The following GAS2 variants were observed in gnomAD, a reference collection of about 807,000 sequenced individuals.
GAS2 encodes growth arrest-specific protein 2.
GAS2 carries 20 observed loss-of-function variants against 37.5 expected under a neutral mutation model. That is an observed-to-expected ratio of 0.53 (90% CI 0.37 to 0.77). GAS2 has a LOEUF of 0.77. Ranked by LOEUF, GAS2 falls within the 30% of genes least tolerant of loss-of-function variation. The pLI, the probability that GAS2 is intolerant of heterozygous loss-of-function variation, is 0.00. For synonymous variants in GAS2, 144 were observed against 132.2 expected, an observed-to-expected ratio of 1.09 and a Z score of -0.61; for missense variants, 336 against 373.4, an observed-to-expected ratio of 0.90 and a Z score of 0.82.
At chr11:22,663,431 A>G (rs1233908655), upstream of GAS2, among the ~76,000 whole-genome samples, 1 of 152,136 alleles carries the variant, frequency 6.6e-6, no homozygotes, top group African/African-American at 2.4e-5. Context: ...AAAATAAAAA[A>G]TAAATGAATA....
At chr11:22,700,961 A>G (rs749072115) in intron 3 of GAS2, among the ~76,000 whole-genome samples, 26 of 152,246 alleles carry the variant, frequency 1.7e-4, no homozygotes, top group Admixed American at 5.2e-4. Context: ...CTTTTTCCCA[A>G]TAACTGCCTC....
chr11:22,681,023 C>T (rs1368224292), intron 2 of GAS2, among the ~76,000 whole-genome samples: 1 of 152,100 alleles, frequency 6.6e-6, no homozygotes, highest in Non-Finnish European at 1.5e-5. Context: ...ATGTAAAATG[C>T]TTAGAACAGT....
intron 7 of GAS2, among the ~76,000 whole-genome samples, chr11:22,761,224 C>A (rs958277126): frequency 1.3e-5 from 2 of 152,086 alleles, no homozygotes; most frequent in African/African-American, 4.8e-5. Flanking sequence ...CTAATCATTA[C>A]AATTTTAACC....
intron 3 of GAS2, among the ~76,000 whole-genome samples, chr11:22,714,017 T>TATTCAGA (rs1376155523): frequency 6.6e-6 from 1 of 152,124 alleles, no homozygotes. Flanking sequence ...AATAGAACAC[T>TATTCAGA]ACTATGTCAC....
chr11:22,665,627 A>C (rs1161529990), upstream of GAS2, among the ~76,000 whole-genome samples: 1 of 152,206 alleles, frequency 6.6e-6, no homozygotes, highest in Admixed American at 6.5e-5. Context: ...ATTGAACTAA[A>C]ATAAAAAGTT....
At chr11:22,735,701 T>A (rs1264294846) in intron 4 of GAS2, among the ~76,000 whole-genome samples, 1 of 151,916 alleles carries the variant, frequency 6.6e-6, no homozygotes, top group Non-Finnish European at 1.5e-5. Context: ...AAATTAGTAC[T>A]CAGAATATGT....
chr11:22,764,281 C>T (rs1202318116), intron 7 of GAS2, among the ~76,000 whole-genome samples: 3 of 152,088 alleles, frequency 2.0e-5, no homozygotes, highest in Non-Finnish European at 4.4e-5. Context: ...AGAAAGACGG[C>T]CGGGCACGGC....
chr11:22,663,788 C>T (rs1406659225), upstream of GAS2, among the ~76,000 whole-genome samples: 3 of 152,004 alleles, frequency 2.0e-5, no homozygotes, highest in East Asian at 3.9e-4. Context: ...TGTTTTTATT[C>T]GTAACACTAT....
At position 22,749,109 on chromosome 11, in the gene GAS2, T is replaced by A. The variant is rs1417468539; in HGVS notation, c.474-11T>A. ...GTTATGCATATGTAATGATCCAGGG[T>A]CTTTTTAAAGGTATGGTGTGGAGCC... is the stretch of plus-strand genomic sequence containing the variant. On this transcript the variant is annotated splice_polypyrimidine_tract_variant and intron_variant, in intron 5 of 7. Transcript: ENST00000454584. 3 of 1,604,462 alleles carry A rather than the reference T, an allele frequency of 1.9e-6. No individual in the cohort carries two copies.
At chr11:22,632,868 C>T (rs1446076597) in intron 1 of GAS2, among the ~76,000 whole-genome samples, 7 of 151,496 alleles carry the variant, frequency 4.6e-5, no homozygotes, top group African/African-American at 7.3e-5. Context: ...CCCTGCATTT[C>T]GTAATTCCCT....
chr11:22,672,064 CTATGACAGTGACTT>C (rs540118709), intron 1 of GAS2, among the ~76,000 whole-genome samples: 69 of 152,224 alleles, frequency 4.5e-4, no homozygotes, highest in African/African-American at 1.6e-3. Flanking sequence ...GAGTCCTTAT[CTATGACAGTGACTT>C]TAGGTTTCTA....
At chr11:22,777,453 G>A (rs557009342) in intron 7 of GAS2, among the ~76,000 whole-genome samples, 2 of 152,254 alleles carry the variant, frequency 1.3e-5, no homozygotes, top group South Asian at 4.1e-4. Context: ...ATTTTGCTGA[G>A]TACTTATAAT....
chr11:22,718,827 G>A (rs1851811399), intron 3 of GAS2, among the ~76,000 whole-genome samples: 2 of 152,076 alleles, frequency 1.3e-5, no homozygotes, highest in East Asian at 3.9e-4. Flanking sequence ...CTGTTCATAT[G>A]CAAACGATTA....
At chr11:22,709,961 A>G (rs1475863592) in intron 3 of GAS2, among the ~76,000 whole-genome samples, 1 of 145,320 alleles carries the variant, frequency 6.9e-6, no homozygotes, top group African/African-American at 2.5e-5. Context: ...GAATTGAACA[A>G]TGAGAACACA....
chr11:22,811,724 C>T (rs1267398572), intron 7 of GAS2, 74 bp from the exon 8 acceptor site: 1 of 1,397,078 alleles, frequency 7.2e-7, no homozygotes. Context: ...ACTAATTTCA[C>T]TAGAACCAGG....
chr11:22,766,539 G>T (rs1405875033), intron 7 of GAS2, among the ~76,000 whole-genome samples: 1 of 152,006 alleles, frequency 6.6e-6, no homozygotes, highest in Non-Finnish European at 1.5e-5. Flanking sequence ...CTCCTAGTTT[G>T]CTTATTCCTT....
intron 3 of GAS2, among the ~76,000 whole-genome samples, chr11:22,719,794 G>T (rs1851860424): frequency 6.6e-6 from 1 of 151,982 alleles, no homozygotes; most frequent in Non-Finnish European, 1.5e-5. Flanking sequence ...TGACTTGATA[G>T]CTCTTTATTT....
chr11:22,637,287 A>T (rs1188406560), intron 1 of GAS2, among the ~76,000 whole-genome samples: 117 of 96,238 alleles, frequency 1.2e-3, no homozygotes, highest in Non-Finnish European at 1.8e-3. Context: ...TAGTATACTA[A>T]TATAATATTA....
At chr11:22,662,664 A>G (rs1452785572), upstream of GAS2, among the ~76,000 whole-genome samples, 3 of 152,206 alleles carry the variant, frequency 2.0e-5, no homozygotes. Context: ...AAACTTAAAA[A>G]AAAAACACCT....
Sources: gnomAD v4.1 joint callset for allele counts (sites outside exome capture counted in the v4.1 genomes callset) on GRCh38, gnomAD v4.1.1 for gene constraint, MANE v1.5 for transcripts, NCBI Gene and HGNC (gene_info 2026-07-23, HGNC 2026-07-21) for gene names.